Variants in CSDC2 observed in about 807,000 individuals in gnomAD.
CSDC2 encodes the protein cold shock domain-containing protein C2.
CSDC2 carries 8 observed loss-of-function variants against 15.8 expected under a neutral mutation model. The observed-to-expected ratio is 0.51, with a 90% CI of 0.30 to 0.92. The LOEUF is 0.92. Among genes scored for constraint, CSDC2 ranks in the 40% least tolerant of loss-of-function variants. The pLI is 0.07. For missense variants in CSDC2, 195 were observed against 213.3 expected (o/e 0.91, Z 0.53); for synonymous variants, 96 against 92.3 (o/e 1.04, Z -0.23).
At chr22:41,568,531 T>C (rs2067128494) in intron 1 of CSDC2, among the ~76,000 whole-genome samples, 1 of 152,226 alleles carries the variant, frequency 6.6e-6, no homozygotes, top group Non-Finnish European at 1.5e-5. Context: ...AAGATCCTCC[T>C]GCCTTGGCCT....
chr22:41,563,538 A>G (rs2067098388), intron 1 of CSDC2, among the ~76,000 whole-genome samples: 2 of 151,810 alleles, frequency 1.3e-5, no homozygotes, highest in South Asian at 2.1e-4. Context: ...TTGGTGAGTG[A>G]CTCACCCAAG....
At chr22:41,564,503 A>G (rs543413049) in intron 1 of CSDC2, among the ~76,000 whole-genome samples, 194 of 151,872 alleles carry the variant, frequency 1.3e-3, no homozygotes, top group Non-Finnish European at 2.0e-3. Context: ...CTCGTGATCC[A>G]CCCGCCTTAG....
At chr22:41,572,448 C>T (rs546788669) in intron 2 of CSDC2, among the ~76,000 whole-genome samples, 2 of 146,322 alleles carry the variant, frequency 1.4e-5, no homozygotes, top group Non-Finnish European at 3.0e-5. Context: ...GTCCATCCAT[C>T]CATCCATCCA....
intron 1 of CSDC2, among the ~76,000 whole-genome samples, chr22:41,567,413 G>T (rs899198926): frequency 1.3e-5 from 2 of 152,218 alleles, no homozygotes; most frequent in African/African-American, 4.8e-5. Flanking sequence ...AGGTTGAAAC[G>T]TAGAAAATAA....
In CSDC2 at chr22:41,571,973, C is replaced by T; in HGVS notation, c.8C>T (p.Ser3Leu). The T allele has an allele frequency of 7.4e-7, 1 of 1,349,936 alleles. No individual in the cohort carries two copies. Among genetic ancestry groups the T allele is most frequent in the South Asian group, 2.1e-5 (1 of 48,222 alleles). 83.6% of individuals were successfully genotyped at this position (1,349,936 alleles called of 1,614,324 possible). The change falls in exon 2 of 4, where the codon TCA becomes TTA. Residue 3 changes from serine (S) to leucine (L), a missense_variant. By Grantham distance (145) the Ser-to-Leu change is moderately radical (BLOSUM62 -2). Coordinates refer to ENST00000306149, the MANE Select transcript of CSDC2 (RefSeq NM_014460.4). MTSESTSPPVVPP... is the reference protein window; with the variant it reads MTLESTSPPVVPP... ...TCTCCTGCTGGCCCCACCATGACTT[C>T]AGAGTCGACGTCACCCCCAGTTGTG...
At chr22:41,574,155 G>A (rs1250561827) in intron 3 of CSDC2, among the ~76,000 whole-genome samples, 3 of 152,214 alleles carry the variant, frequency 2.0e-5, no homozygotes, top group Admixed American at 6.5e-5. Context: ...CAGGAGGACC[G>A]GGGGAGGTCA....
At chr22:41,569,911 C>A (rs1319165840) in intron 1 of CSDC2, among the ~76,000 whole-genome samples, 1 of 151,514 alleles carries the variant, frequency 6.6e-6, no homozygotes, top group African/African-American at 2.4e-5. Context: ...TTCTGAGTAG[C>A]TGGGACTACA....
chr22:41,571,727 G>T, intron 1 of CSDC2, 116 bp from the exon 2 acceptor site: 9 of 366,464 alleles, frequency 2.5e-5, no homozygotes, highest in Non-Finnish European at 2.9e-5. Flanking sequence ...GGTCGTTTGT[G>T]ACTTGAAGTA....
intron 3 of CSDC2, 86 bp downstream of exon 3, chr22:41,573,863 T>C: frequency 6.7e-7 from 1 of 1,491,934 alleles, no homozygotes; most frequent in South Asian, 1.2e-5. Flanking sequence ...GCCTCTCCTC[T>C]CACTGGCTGA....
At chr22:41,573,886 TG>T in intron 3 of CSDC2, 109 bp downstream of exon 3, 2 of 1,393,162 alleles carry the variant, frequency 1.4e-6, no homozygotes, top group Non-Finnish European at 1.9e-6. Flanking sequence ...TCTGTATTCA[TG>T]GTGCCTTTTC....
At chr22:41,570,130 G>A (rs527952851) in intron 1 of CSDC2, among the ~76,000 whole-genome samples, 9 of 152,278 alleles carry the variant, frequency 5.9e-5, no homozygotes, top group South Asian at 4.1e-4. Flanking sequence ...CTAAAATGAG[G>A]ATAATGGGTG....
chr22:41,572,375 CCCACCCACCCACCCATCCATCCATCCAT>C (rs2067150655), intron 2 of CSDC2, among the ~76,000 whole-genome samples: 4 of 42,826 alleles, frequency 9.3e-5, no homozygotes, highest in African/African-American at 2.7e-4. Flanking sequence ...CACCCACCCA[CCCACCCACCCACCCATCCATCCATCCAT>C]CCATCCATCC....
At chr22:41,568,991 C>T (rs967983049) in intron 1 of CSDC2, among the ~76,000 whole-genome samples, 1 of 152,254 alleles carries the variant, frequency 6.6e-6, no homozygotes, top group Non-Finnish European at 1.5e-5. Context: ...GCATCTCCCC[C>T]TCTCCATCCT....
chr22:41,567,161 G>C (rs978453225), intron 1 of CSDC2, among the ~76,000 whole-genome samples: 1 of 152,126 alleles, frequency 6.6e-6, no homozygotes, highest in Non-Finnish European at 1.5e-5. Flanking sequence ...CTGCTCTTGG[G>C]GGAGTTTATT....
At chr22:41,562,379 C>T (rs1162569629) in intron 1 of CSDC2, among the ~76,000 whole-genome samples, 1 of 145,686 alleles carries the variant, frequency 6.9e-6, no homozygotes, top group African/African-American at 2.5e-5. Flanking sequence ...TCTGTGTCTG[C>T]CCATCTTGAC....
At chr22:41,570,965 T>A (rs893677560) in intron 1 of CSDC2, among the ~76,000 whole-genome samples, 1 of 140,096 alleles carries the variant, frequency 7.1e-6, no homozygotes, top group African/African-American at 2.7e-5. Flanking sequence ...TTCCCCAGAC[T>A]GGATGAGACC....
intron 1 of CSDC2, among the ~76,000 whole-genome samples, chr22:41,565,323 G>A (rs1179802193): frequency 2.0e-5 from 3 of 151,088 alleles, no homozygotes; most frequent in Non-Finnish European, 4.4e-5. Context: ...GGTGGTGCAC[G>A]CCTGTAATCC....
intron 1 of CSDC2, among the ~76,000 whole-genome samples, chr22:41,565,229 A>T (rs992238032): frequency 2.6e-5 from 4 of 151,662 alleles, no homozygotes; most frequent in Non-Finnish European, 5.9e-5. Flanking sequence ...AGGCAGGTGG[A>T]TCACAAGATC....
Position 41,571,903 on chromosome 22 carries a change from C to T in CSDC2, c.-63C>T, listed in dbSNP as rs980482652. 1.7e-5 allele frequency: 20 copies of T among 1,156,516 alleles called. No homozygotes were observed. The highest frequency in any genetic ancestry group is 3.2e-5 in the African/African-American group (2 of 62,104). 71.6% of individuals were successfully genotyped at this position (1,156,516 alleles called of 1,614,324 possible). A position where few individuals can be genotyped will look rare whatever the true frequency, so the allele number is the denominator to read the frequency against. Reference sequence around the variant, plus strand: ...CCAGGCCGGGCCCTGCCCGCAAGGACGACCAAACCCCTCACCGGCCCCTGG... The same window carrying T: ...CCAGGCCGGGCCCTGCCCGCAAGGATGACCAAACCCCTCACCGGCCCCTGG... On this transcript the variant is annotated 5_prime_UTR_variant, in exon 2 of 4. It adds an upstream start codon to the 5' untranslated region. Coordinates refer to ENST00000306149, the MANE Select transcript of CSDC2 (RefSeq NM_014460.4).
Sources: allele counts gnomAD v4.1 joint callset (sites outside exome capture counted in the v4.1 genomes callset), GRCh38; gene constraint gnomAD v4.1.1; transcripts MANE v1.5; gene names NCBI Gene and HGNC (gene_info 2026-07-23, HGNC 2026-07-21).